The following PKHD1 variants were observed in gnomAD, a reference collection of about 807,000 sequenced individuals.
PKHD1 encodes the protein fibrocystin.
A neutral mutation model predicts 412.0 loss-of-function variants in PKHD1; 291 were observed. That is an observed-to-expected ratio of 0.71 (90% confidence interval 0.64 to 0.78). The LOEUF is 0.78. Among genes scored for constraint, PKHD1 ranks in the 30% least tolerant of loss-of-function variants. PKHD1 has a pLI of 0.00. For synonymous variants in PKHD1, 1,777 were observed against 1,821.5 expected (o/e 0.98, Z 0.62); for missense variants, 4,825 against 4,950.7 (o/e 0.97, Z 0.76).
At chr6:51,968,222 T>G (rs1793131897) in intron 35 of PKHD1, among the ~76,000 whole-genome samples, 1 of 152,160 alleles carries the variant, frequency 6.6e-6, no homozygotes, top group African/African-American at 2.4e-5. Context: ...AATAATGATC[T>G]CCTCAAGGGC....
rs1164033911 is a variant in PKHD1 at position 52,020,404 on chromosome 6, G to T, written c.5380+2397C>A. On this transcript the variant is annotated intron_variant, in intron 33 of 66. Coordinates refer to ENST00000371117, the MANE Select transcript of PKHD1 (RefSeq NM_138694.4). ...ATGCTACCCAATTTGGCCAGAACTT[G>T]CTTGTATAGAACAGCTTCCTCATTT... Among the ~76,000 whole-genome samples, 4 of 152,188 alleles carry T rather than the reference G, an allele frequency of 2.6e-5. No homozygotes were observed. In the East Asian group the frequency reaches 7.7e-4, roughly 29 times the overall value.
At chr6:51,842,739 A>G (rs569544523) in intron 50 of PKHD1, among the ~76,000 whole-genome samples, 1 of 152,278 alleles carries the variant, frequency 6.6e-6, no homozygotes, top group African/African-American at 2.4e-5. Flanking sequence ...ACAAGTGGCC[A>G]TTGTGAGTGG....
intron 47 of PKHD1, 70 bp downstream of exon 47, chr6:51,870,434 G>A: frequency 8.3e-7 from 1 of 1,208,850 alleles, no homozygotes; most frequent in Non-Finnish European, 1.2e-6. Context: ...CAAAGTATTT[G>A]CCACTATTTA....
At chr6:51,627,830 C>G (rs1037991621) in intron 65 of PKHD1, among the ~76,000 whole-genome samples, 6 of 152,080 alleles carry the variant, frequency 3.9e-5, no homozygotes, top group Non-Finnish European at 7.4e-5. Flanking sequence ...GATACTTCAT[C>G]TTCTATTCAT....
intron 29 of PKHD1, among the ~76,000 whole-genome samples, 178 bp downstream of exon 29, chr6:52,032,852 T>C (rs1385163805): frequency 6.6e-6 from 1 of 152,178 alleles, no homozygotes; most frequent in Non-Finnish European, 1.5e-5. Context: ...ATTTTACAGA[T>C]GGAAAAGTAG....
intron 55 of PKHD1, among the ~76,000 whole-genome samples, chr6:51,770,995 T>A (rs757818009): frequency 3.9e-4 from 60 of 152,218 alleles, no homozygotes; most frequent in Non-Finnish European, 8.5e-4. Context: ...GAGATTTCTT[T>A]GGGGAAGAAG....
intron 50 of PKHD1, among the ~76,000 whole-genome samples, chr6:51,846,286 C>T (rs1282001764): frequency 2.0e-5 from 3 of 152,212 alleles, no homozygotes; most frequent in Admixed American, 2.0e-4. Context: ...GTCCGACTCA[C>T]TGGACTTATG....
Position 51,772,790 on chromosome 6 carries a change from C to A in PKHD1, c.8555-1G>T. On this transcript the variant is annotated splice_acceptor_variant, in intron 54 of 66. Transcript: ENST00000371117. LOFTEE classifies it high-confidence loss of function. The stretch of plus-strand genomic sequence containing the variant: ...TAAAGATGAACTTTCCCATAAACCC[C>A]TGAAAATAAAAGGAGTAACAGTTGG... The A allele has an allele frequency of 6.5e-7, 1 of 1,546,472 alleles. No homozygotes were observed. The highest frequency in any genetic ancestry group is 8.9e-7 in the Non-Finnish European group (1 of 1,119,152).
chr6:51,919,103 C>A (rs942894681), intron 37 of PKHD1, among the ~76,000 whole-genome samples: 2 of 152,162 alleles, frequency 1.3e-5, no homozygotes, highest in African/African-American at 4.8e-5. Context: ...ATGATAGTTT[C>A]TTTTGCTATA....
chr6:51,744,546 T>C lies in PKHD1; in HGVS notation c.9999-4A>G, dbSNP rs1255927856. The stretch of plus-strand genomic sequence containing the variant: ...GACTACTTTTCCTAAATCTTTCCTG[T>C]GAAGACAGTCAAAAAGCAACTCTTT... On this transcript the variant is annotated splice_polypyrimidine_tract_variant and splice_region_variant and intron_variant, in intron 59 of 66. Coordinates refer to ENST00000371117, the MANE Select transcript of PKHD1 (RefSeq NM_138694.4). 32 of 1,610,776 alleles carry C rather than the reference T, an allele frequency of 2.0e-5. No individual in the cohort carries two copies. In the Admixed American group the frequency reaches 5.3e-4, roughly 27 times the overall value.
chr6:51,626,647 C>T (rs1767277122), intron 66 of PKHD1, among the ~76,000 whole-genome samples: 1 of 152,098 alleles, frequency 6.6e-6, no homozygotes, highest in South Asian at 2.1e-4. Context: ...CTCTTCTTTC[C>T]CAAATTCAAT....
At chr6:52,075,357 T>C (rs928736630) in intron 6 of PKHD1, among the ~76,000 whole-genome samples, 1 of 152,238 alleles carries the variant, frequency 6.6e-6, no homozygotes, top group Non-Finnish European at 1.5e-5. Context: ...GATCCGTCTA[T>C]GCATTTAGAC....
intron 48 of PKHD1, 81 bp from the exon 49 acceptor site, chr6:51,856,151 A>G (rs1292295556): frequency 9.6e-5 from 82 of 857,908 alleles, no homozygotes; most frequent in Non-Finnish European, 1.6e-4. Flanking sequence ...TCTTTCATCA[A>G]TTGCAATCAT....
At chr6:51,927,824 T>C (rs1320705736) in intron 37 of PKHD1, among the ~76,000 whole-genome samples, 1 of 152,130 alleles carries the variant, frequency 6.6e-6, no homozygotes, top group Non-Finnish European at 1.5e-5. Flanking sequence ...GTAGGGAAGA[T>C]AGCTTGGCTT....
At chr6:51,919,067 A>G (rs1157132280) in intron 37 of PKHD1, among the ~76,000 whole-genome samples, 3 of 152,152 alleles carry the variant, frequency 2.0e-5, no homozygotes, top group Non-Finnish European at 4.4e-5. Context: ...ATTTTCTCCC[A>G]TTCTGTAGGT....
chr6:52,038,319 G>C (rs902339447), intron 27 of PKHD1, among the ~76,000 whole-genome samples: 8 of 151,214 alleles, frequency 5.3e-5, no homozygotes, highest in Non-Finnish European at 1.0e-4. Flanking sequence ...AGGTTGCAGT[G>C]AGCTGAGATC....
chr6:52,049,615 T>C (rs988028441), intron 22 of PKHD1, among the ~76,000 whole-genome samples: 1 of 152,228 alleles, frequency 6.6e-6, no homozygotes, highest in African/African-American at 2.4e-5. Flanking sequence ...GCCTGATCCT[T>C]AGTTACTGCT....
At chr6:51,820,137 G>A (rs1276334174) in intron 52 of PKHD1, among the ~76,000 whole-genome samples, 2 of 152,174 alleles carry the variant, frequency 1.3e-5, no homozygotes, top group Non-Finnish European at 1.5e-5. Context: ...GCCAAGCAGT[G>A]CACAAAAATG....
chr6:51,826,281 A>G (rs1015021382), intron 52 of PKHD1, among the ~76,000 whole-genome samples: 1 of 152,208 alleles, frequency 6.6e-6, no homozygotes, highest in African/African-American at 2.4e-5. Context: ...CAGAAGAGCT[A>G]TTATAAAAGA....
Sources: allele counts gnomAD v4.1 joint callset (sites outside exome capture counted in the v4.1 genomes callset), GRCh38; gene constraint gnomAD v4.1.1; transcripts MANE v1.5; gene names NCBI Gene and HGNC (gene_info 2026-07-23, HGNC 2026-07-21).